NINJ2: variants seen among roughly 807,000 people sequenced by gnomAD.
NINJ2 encodes ninjurin-2.
A neutral mutation model predicts 11.7 loss-of-function variants in NINJ2; 12 were observed. That is an observed-to-expected ratio of 1.02 (90% CI 0.66 to 1.66). The LOEUF (loss-of-function observed/expected upper bound fraction) is 1.66. NINJ2 is among the 40% of genes most tolerant of loss of function. The pLI is 0.00. For synonymous variants in NINJ2, 93 were observed against 76.8 expected (o/e 1.21, Z -1.10); for missense variants, 187 against 181.8 (o/e 1.03, Z -0.16).
At chr12:637,178 G>C (rs1490982050) in intron 1 of NINJ2, among the ~76,000 whole-genome samples, 3 of 149,382 alleles carry the variant, frequency 2.0e-5, no homozygotes, top group African/African-American at 7.4e-5. Context: ...GTAAAACCCC[G>C]TCTCTACTAA....
intron 1 of NINJ2, among the ~76,000 whole-genome samples, chr12:592,680 C>A (rs1301272499): frequency 6.6e-6 from 1 of 151,884 alleles, no homozygotes; most frequent in South Asian, 2.1e-4. Context: ...AGCCTGGGCA[C>A]CAAAAGAAAA....
chr12:567,484 G>GGGAT (rs1388711906), intron 1 of NINJ2, among the ~76,000 whole-genome samples: 6 of 152,268 alleles, frequency 3.9e-5, no homozygotes, highest in East Asian at 3.9e-4. Flanking sequence ...CATGGATGAA[G>GGGAT]GGATGGATGG....
chr12:595,477 AT>A (rs35391018), intron 1 of NINJ2, among the ~76,000 whole-genome samples: 1 of 152,222 alleles, frequency 6.6e-6, no homozygotes, highest in Non-Finnish European at 1.5e-5. Flanking sequence ...GGGAGTAAAT[AT>A]TTGCAAAAAA....
chr12:601,348 C>T (rs185905786), intron 1 of NINJ2, among the ~76,000 whole-genome samples: 7,725 of 147,414 alleles, frequency 0.052, 282 homozygotes, highest in Non-Finnish European at 0.072. Context: ...AGATCGAGAC[C>T]ATCCTGGCTA....
intron 1 of NINJ2, among the ~76,000 whole-genome samples, chr12:660,708 C>G (rs1229388578): frequency 6.6e-6 from 1 of 152,030 alleles, no homozygotes; most frequent in Admixed American, 6.5e-5. Flanking sequence ...CACCTGTAAT[C>G]CCAGCACTTT....
chr12:602,602 G>A (rs1047795479), intron 1 of NINJ2, among the ~76,000 whole-genome samples: 1 of 152,164 alleles, frequency 6.6e-6, no homozygotes, highest in Non-Finnish European at 1.5e-5. Context: ...TTCATTGTGT[G>A]AATGTATATA....
At chr12:621,114 G>C (rs1038190195) in intron 1 of NINJ2, among the ~76,000 whole-genome samples, 34 of 152,142 alleles carry the variant, frequency 2.2e-4, no homozygotes, top group African/African-American at 8.2e-4. Context: ...AGGTTCCCCT[G>C]TGGCAGTGAA....
rs1947630334 is a variant in NINJ2 at position 585,870 on chromosome 12, G to A, written c.34-19692C>T. On this transcript the variant is annotated intron_variant, in intron 1 of 3. Transcript: ENST00000305108. The surrounding 1 kb of genome is among the most constrained non-coding windows in gnomAD (Gnocchi z 4.1). ...AAGAGCAGGAGCGCCTCCATCCAGGGGCGTGGAGGAGGCTCTGTGGATCTC... is the reference window on the plus strand; with the variant it reads ...AAGAGCAGGAGCGCCTCCATCCAGGAGCGTGGAGGAGGCTCTGTGGATCTC... 1 of 152,130 alleles carries A rather than the reference G, an allele frequency of 6.6e-6. No homozygotes were observed. The highest frequency in any genetic ancestry group is 1.5e-5 in the Non-Finnish European group (1 of 68,024). The allele number at this position is 152,130 out of a possible 1,614,324, so 9.4% of individuals were successfully genotyped here.
intron 1 of NINJ2, among the ~76,000 whole-genome samples, chr12:597,163 G>A (rs1426856642): frequency 6.6e-6 from 1 of 152,212 alleles, no homozygotes; most frequent in Non-Finnish European, 1.5e-5. Context: ...ACACTACGTG[G>A]TTGGTAGTTG....
At chr12:604,435 C>T (rs1298549268) in intron 1 of NINJ2, among the ~76,000 whole-genome samples, 3 of 151,890 alleles carry the variant, frequency 2.0e-5, no homozygotes, top group African/African-American at 2.4e-5. Context: ...GTCAGGAGTT[C>T]GAGACGAGCC....
chr12:579,854 C>T (rs1427035841), intron 1 of NINJ2, among the ~76,000 whole-genome samples: 1 of 152,208 alleles, frequency 6.6e-6, no homozygotes. Flanking sequence ...AGTTCACCCT[C>T]AACCTTGGCA....
intron 1 of NINJ2, among the ~76,000 whole-genome samples, chr12:661,213 G>A (rs1455219240): frequency 6.6e-6 from 1 of 152,080 alleles, no homozygotes; most frequent in Non-Finnish European, 1.5e-5. Flanking sequence ...CGAGTAGTGG[G>A]GACTACAGGT....
chr12:577,448 T>TATACA, intron 1 of NINJ2, among the ~76,000 whole-genome samples: 3 of 141,958 alleles, frequency 2.1e-5, no homozygotes, highest in African/African-American at 5.2e-5. Flanking sequence ...TATATAAATA[T>TATACA]TTTGGCACGA....
chr12:652,321 A>G (rs1937807262), intron 1 of NINJ2, among the ~76,000 whole-genome samples: 1 of 152,240 alleles, frequency 6.6e-6, no homozygotes, highest in Non-Finnish European at 1.5e-5. Context: ...CTATCTTGCA[A>G]AATTATCCCT....
At chr12:596,012 C>T (rs987010687) in intron 1 of NINJ2, among the ~76,000 whole-genome samples, 2 of 152,158 alleles carry the variant, frequency 1.3e-5, no homozygotes, top group Non-Finnish European at 2.9e-5. Context: ...ACTGACAATA[C>T]CAAATGCTGC....
chr12:601,572 T>C (rs1024758033), intron 1 of NINJ2, among the ~76,000 whole-genome samples: 2 of 120,162 alleles, frequency 1.7e-5, no homozygotes, highest in Admixed American at 8.4e-5. Context: ...AATAAATAAA[T>C]AAAACAAATA....
rs1947629676 is a variant in NINJ2, at chr12:585,817, G to C, written c.34-19639C>G. ...GAGTTTGTGATTAATTACGGGAATG[G>C]GTGCCAAGTGAGAGATACAAAGGGT... is the stretch of plus-strand genomic sequence containing the variant. On this transcript the variant is annotated intron_variant, in intron 1 of 3. Transcript: ENST00000305108. The surrounding 1 kb of genome is among the most constrained non-coding windows in gnomAD (Gnocchi z 4.1). 6.6e-6 allele frequency: 1 copy of C among 152,264 alleles called. No homozygotes were observed. The highest frequency in any genetic ancestry group is 6.5e-5 in the Admixed American group (1 of 15,278). 9.4% of individuals were successfully genotyped at this position (152,264 alleles called of 1,614,324 possible). A position where few individuals can be genotyped will look rare whatever the true frequency, so the allele number is the denominator to read the frequency against.
chr12:610,180 C>G (rs1195759415), intron 1 of NINJ2, among the ~76,000 whole-genome samples: 1 of 152,196 alleles, frequency 6.6e-6, no homozygotes, highest in Non-Finnish European at 1.5e-5. Context: ...CCCATCCTGA[C>G]AAGTGCACAT....
In NINJ2 at chr12:649,531, GTATATATATA is replaced by G. The variant is rs58255301; in HGVS notation, c.33+13787_33+13796del. On this transcript the variant is annotated intron_variant, in intron 1 of 3. Transcript: ENST00000305108. ...AGTGAATATGTGTGTGTGTATATGT[GTATATATATA>G]TATATATATATAGTAGCCCATGAAA... Among the ~76,000 whole-genome samples the G allele has an allele frequency of 9.4e-5, 12 of 127,698 alleles. 1 individual carries two copies. The highest frequency in any genetic ancestry group is 1.6e-4 in the Non-Finnish European group (10 of 61,138). 83.8% of individuals were successfully genotyped at this position (127,698 alleles called of 152,430 possible).
Sources: allele counts gnomAD v4.1 joint callset (sites outside exome capture counted in the v4.1 genomes callset), GRCh38; gene constraint gnomAD v4.1.1; non-coding constraint Gnocchi (gnomAD v3.1); transcripts MANE v1.5; gene names NCBI Gene and HGNC (gene_info 2026-07-23, HGNC 2026-07-21).